PDLIM7: variants seen among roughly 807,000 people sequenced by gnomAD.
PDLIM7 encodes PDZ and LIM domain protein 7.
PDLIM7 carries 37 observed loss-of-function variants against 53.9 expected under a neutral mutation model. The observed-to-expected ratio is 0.69, with a 90% confidence interval of 0.53 to 0.90. The LOEUF is 0.90. Among genes scored for constraint, PDLIM7 ranks in the 40% least tolerant of loss-of-function variants. PDLIM7 has a pLI of 0.00. For synonymous variants in PDLIM7, 300 were observed against 261.3 expected, an observed-to-expected ratio of 1.15 and a Z score of -1.43; for missense variants, 617 against 638.5, an observed-to-expected ratio of 0.97 and a Z score of 0.36.
chr5:177,491,736 G>T, intron 5 of PDLIM7, 71 bp downstream of exon 5: 1 of 762,410 alleles, frequency 1.3e-6, no homozygotes, highest in Non-Finnish European at 1.9e-6. Flanking sequence ...AGACTGAGCA[G>T]CAGCGGGCAG....
intron 2 of PDLIM7, among the ~76,000 whole-genome samples, chr5:177,493,921 G>A (rs1758929944): frequency 6.6e-6 from 1 of 152,134 alleles, no homozygotes; most frequent in African/African-American, 2.4e-5. Flanking sequence ...GGAGGCAAGA[G>A]GTTTCAGAGA....
At chr5:177,483,779 G>C in intron 12 of PDLIM7, 49 bp from the exon 13 acceptor site, 1 of 1,571,614 alleles carries the variant, frequency 6.4e-7, no homozygotes, top group Non-Finnish European at 8.8e-7. Context: ...CAGCAGGAGA[G>C]GCCCCTTCCC....
At position 177,492,655 on chromosome 5, in the gene PDLIM7, G is replaced by A. The variant is rs148209669; in HGVS notation, c.119C>T (p.Ala40Val). The change falls in exon 3 of 13, where the codon GCG (alanine) becomes GTG (valine). Residue 40 changes from alanine to valine, a missense_variant. Physicochemically the swap from Ala to Val is moderately conservative, Grantham distance 64. Transcript: ENST00000355841. The part of the protein sequence containing the change: ...ISRLTPGGKA[A>V]QAGVAVGDWV... ...GTCACCCACGGCCACTCCGGCCTGC[G>A]CCGCTTTGCCCCCAGGAGTGAGCTG... 9,661 of 1,606,370 alleles carry A rather than the reference G, an allele frequency of 6.0e-3. 43 individuals carry two copies. The highest frequency in any genetic ancestry group is 7.1e-3 in the Non-Finnish European group (8,403 of 1,179,908).
At position 177,486,853 on chromosome 5, in the gene PDLIM7, A is replaced by G. The variant is rs143677263; in HGVS notation, c.1050+1215T>C. On this transcript the variant is annotated intron_variant, in intron 10 of 12. Coordinates refer to ENST00000355841, the MANE Select transcript of PDLIM7 (RefSeq NM_005451.5). ...TCACCGTGTTAGCCAGGATGGTCTC[A>G]ATCTCCTGACCTCGTGATCCGCCCA... Among the ~76,000 whole-genome samples, 714 of 147,974 alleles carry G rather than the reference A, an allele frequency of 4.8e-3. 6 individuals are homozygous for G. Among genetic ancestry groups the G allele is most frequent in the East Asian group, 0.022 (112 of 4,990 alleles).
intron 10 of PDLIM7, 129 bp from the exon 11 acceptor site, chr5:177,484,319 G>T: frequency 8.8e-7 from 1 of 1,132,892 alleles, no homozygotes; most frequent in Non-Finnish European, 1.3e-6. Flanking sequence ...AACTGTTCAG[G>T]ACTCCCACAC....
At chr5:177,494,334 C>A (rs1758957420) in intron 2 of PDLIM7, among the ~76,000 whole-genome samples, 1 of 152,216 alleles carries the variant, frequency 6.6e-6, no homozygotes, top group African/African-American at 2.4e-5. Flanking sequence ...CCTGGAGACA[C>A]CCTGAGCCAC....
Position 177,491,920 on chromosome 5 carries a change from G to T in PDLIM7, c.285C>A (p.Ser95=). ...QPVQSKPQKA[S]APAADPPRYT... ...ACCGCGGAGGGTCCGCGGCGGGGGC[G>T]GAGGCCTGGGCAGAGACACAGCCGG... Residue 95 remains serine, a synonymous_variant, in exon 5 of 13, where the codon TCC becomes TCA. Coordinates refer to ENST00000355841, the MANE Select transcript of PDLIM7 (RefSeq NM_005451.5). 1 of 1,270,870 alleles carries T rather than the reference G, an allele frequency of 7.9e-7. No homozygotes were observed. The highest frequency in any genetic ancestry group is 3.1e-5 in the East Asian group (1 of 32,088). 78.7% of individuals were successfully genotyped at this position (1,270,870 alleles called of 1,614,324 possible). A position where few individuals can be genotyped will look rare whatever the true frequency, so the allele number is the denominator to read the frequency against.
chr5:177,492,660 T>C lies in PDLIM7; in HGVS notation c.114A>G (p.Lys38=). ...CCACGGCCACTCCGGCCTGCGCCGC[T>C]TTGCCCCCAGGAGTGAGCTGTGGAG... is the stretch of plus-strand genomic sequence containing the variant. ...LSISRLTPGG[K]AAQAGVAVGD... Residue 38 remains lysine (K), a synonymous_variant, in exon 3 of 13, where the codon AAA becomes AAG. Transcript: ENST00000355841. 1 of 1,605,908 alleles carries C rather than the reference T, an allele frequency of 6.2e-7. No individual in the cohort carries two copies. The highest frequency in any genetic ancestry group is 8.5e-7 in the Non-Finnish European group (1 of 1,179,888).
At chr5:177,491,338 G>A in intron 5 of PDLIM7, 192 bp from the exon 6 acceptor site, 1 of 1,536,718 alleles carries the variant, frequency 6.5e-7, no homozygotes, top group Non-Finnish European at 8.8e-7. Flanking sequence ...GCCAGGGTGG[G>A]GAGGGGCCGC....
At chr5:177,484,511 C>G (rs758527193) in intron 10 of PDLIM7, 1 of 309,634 alleles carries the variant, frequency 3.2e-6, no homozygotes, top group African/African-American at 2.2e-5. Context: ...TCTCACACCC[C>G]ACACCAGGTC....
chr5:177,493,796 G>C (rs1451592137), intron 2 of PDLIM7, among the ~76,000 whole-genome samples: 5 of 151,972 alleles, frequency 3.3e-5, no homozygotes, highest in Non-Finnish European at 7.4e-5. Context: ...TTGTGAGGCA[G>C]TGCTGGAAGA....
At chr5:177,485,783 G>C (rs902335258) in intron 10 of PDLIM7, among the ~76,000 whole-genome samples, 1 of 151,998 alleles carries the variant, frequency 6.6e-6, no homozygotes, top group African/African-American at 2.4e-5. Flanking sequence ...CCAGGAGTTC[G>C]AGACCAGCCT....
chr5:177,488,643 T>C (rs1758581390), intron 9 of PDLIM7, among the ~76,000 whole-genome samples: 1 of 152,172 alleles, frequency 6.6e-6, no homozygotes. Context: ...GTCCCAGCAC[T>C]TTGGGAGGCC....
chr5:177,486,891 A>C (rs1258680803), intron 10 of PDLIM7, among the ~76,000 whole-genome samples: 1 of 139,916 alleles, frequency 7.1e-6, no homozygotes, highest in Non-Finnish European at 1.5e-5. Flanking sequence ...TCGGCCTCCC[A>C]AAGTGCTGGG....
chr5:177,491,135 C>A lies in PDLIM7; in HGVS notation c.410G>T (p.Arg137Leu), dbSNP rs1037230225. The A allele has an allele frequency of 2.1e-6, 3 of 1,450,892 alleles. No homozygotes were observed. Among genetic ancestry groups the A allele is most frequent in the African/African-American group, 3.0e-5 (2 of 66,550 alleles). The allele number at this position is 1,450,892 out of a possible 1,614,324, so 89.9% of individuals were successfully genotyped here. ...SAPQQNGQPLRPLVPDASKQR... is the reference protein window; with the variant it reads ...SAPQQNGQPLLPLVPDASKQR... ...CTTGCTGGCATCTGGGACCAGCGGT[C>A]GGAGCGGCTGTCTGTGGGGAGGGTG... Residue 137 changes from arginine (R) to leucine (L), a missense_variant, in exon 6 of 13, where the codon CGA becomes CTA. By Grantham distance (102) the Arg-to-Leu change is moderately radical. Coordinates refer to ENST00000355841, the MANE Select transcript of PDLIM7 (RefSeq NM_005451.5).
chr5:177,491,186 G>T, intron 5 of PDLIM7, 40 bp from the exon 6 acceptor site: 1 of 1,562,778 alleles, frequency 6.4e-7, no homozygotes, highest in South Asian at 1.2e-5. Context: ...CACTGGGGGT[G>T]GGCGGTGGGG....
At chr5:177,492,743 G>GT (rs1581762855) in intron 2 of PDLIM7, 66 bp from the exon 3 acceptor site, 27 of 1,539,130 alleles carry the variant, frequency 1.8e-5, no homozygotes, top group Non-Finnish European at 2.4e-5. Context: ...GCTGACGGTG[G>GT]TAACACTGCC....
intron 10 of PDLIM7, 79 bp downstream of exon 10, chr5:177,487,989 C>G: frequency 7.0e-7 from 1 of 1,435,766 alleles, no homozygotes; most frequent in Non-Finnish European, 9.4e-7. Flanking sequence ...GGGGAGAGAC[C>G]TGGACTGTGG....
chr5:177,483,674 G>A lies in PDLIM7; in HGVS notation c.1344C>T (p.Leu448=), dbSNP rs1170534326. The A allele has an allele frequency of 3.1e-6, 5 of 1,612,646 alleles. No individual in the cohort carries two copies. Among genetic ancestry groups the A allele is most frequent in the Non-Finnish European group, 4.2e-6 (5 of 1,178,896 alleles). Residue 448 remains leucine (L), a synonymous_variant, in exon 13 of 13, where the codon CTC becomes CTT. Coordinates refer to ENST00000355841, the MANE Select transcript of PDLIM7 (RefSeq NM_005451.5). ...KTFYSKKDRP[L]CKSHAFSHV ...CATGAGAGAAGGCATGGCTCTTGCA[G>A]AGAGGCCTGTCCTTCTTGGAGTAGA...
Sources: allele counts gnomAD v4.1 joint callset (sites outside exome capture counted in the v4.1 genomes callset), GRCh38; gene constraint gnomAD v4.1.1; transcripts MANE v1.5; gene names NCBI Gene and HGNC (gene_info 2026-07-23, HGNC 2026-07-21).